LARGE1: variants seen among roughly 807,000 people sequenced by gnomAD.
LARGE1 encodes LARGE xylosyl- and glucuronyltransferase 1, also known as xylosyl- and glucuronyltransferase LARGE1.
A neutral mutation model predicts 87.6 loss-of-function variants in LARGE1; 43 were observed. The observed-to-expected ratio is 0.49, with a 90% CI of 0.38 to 0.63. The LOEUF (loss-of-function observed/expected upper bound fraction) is 0.63, where lower values mean the gene tolerates loss of function less well. Among genes scored for constraint, LARGE1 ranks in the 30% least tolerant of loss-of-function variants. The probability of loss-of-function intolerance (pLI) is 0.00; values close to 1 mark genes in which losing one functional copy is unlikely to be tolerated. For synonymous variants in LARGE1, 434 were observed against 394.6 expected (o/e 1.10, Z -1.18); for missense variants, 802 against 1,000.2 (o/e 0.80, Z 2.67).
chr22:33,085,572 C>G, the LARGE1 span, among the ~76,000 whole-genome samples: 1 of 152,166 alleles, frequency 6.6e-6, no homozygotes. Flanking sequence ...GAAAGCAGCT[C>G]TAAATTTACT....
chr22:33,400,624 C>T lies in LARGE1; in HGVS notation c.893-16320G>A, dbSNP rs540881754. ...AGAAGGGAGAGATGGCGTGGATGGC[C>T]GAGCAGCTCTGACCAGTTGAACATG... On this transcript the variant is annotated intron_variant, in intron 7 of 14. Coordinates refer to ENST00000397394, the MANE Select transcript of LARGE1 (RefSeq NM_133642.5). Among the ~76,000 whole-genome samples, 75 of 152,298 alleles carry T rather than the reference C, an allele frequency of 4.9e-4. 1 individual carries two copies. The highest frequency in any genetic ancestry group is 1.7e-3 in the African/African-American group (71 of 41,568).
At chr22:33,333,636 T>A (rs1174012761) in intron 10 of LARGE1, among the ~76,000 whole-genome samples, 2 of 152,260 alleles carry the variant, frequency 1.3e-5, no homozygotes, top group Non-Finnish European at 2.9e-5. Flanking sequence ...ACTTAGTACA[T>A]TCACTCAATA....
the LARGE1 span, among the ~76,000 whole-genome samples, chr22:33,084,488 G>GTC: frequency 6.7e-6 from 1 of 150,310 alleles, no homozygotes; most frequent in African/African-American, 2.5e-5. Context: ...GTGAGACCTT[G>GTC]TCTCTCGAAA....
rs567568263 is a variant in LARGE1, at chr22:33,272,962, A to C, written c.*1465T>G. On this transcript the variant is annotated 3_prime_UTR_variant, in exon 15 of 15. Coordinates refer to ENST00000397394, the MANE Select transcript of LARGE1 (RefSeq NM_133642.5). ...GAAAAAAAAGGCTAAAGTTCAAATG[A>C]TGAGAAAAATAGAATGGGGGAACAG... 3.5e-4 allele frequency: 55 copies of C among 155,344 alleles called. No individual in the cohort carries two copies. Among genetic ancestry groups the C allele is most frequent in the African/African-American group, 1.2e-3 (50 of 41,700 alleles). 9.6% of individuals were successfully genotyped at this position (155,344 alleles called of 1,614,324 possible).
intron 2 of LARGE1, among the ~76,000 whole-genome samples, chr22:33,738,230 T>C (rs1323927110): frequency 6.6e-6 from 1 of 152,120 alleles, no homozygotes; most frequent in African/African-American, 2.4e-5. Flanking sequence ...AAAATAACCA[T>C]TTCCCCAACC....
chr22:33,495,570 T>G (rs974742437), intron 6 of LARGE1, among the ~76,000 whole-genome samples: 4 of 151,916 alleles, frequency 2.6e-5, no homozygotes, highest in Non-Finnish European at 2.9e-5. Context: ...AATACAAAAA[T>G]TAGCTGGGCG....
chr22:33,217,344 A>G (rs186438029), intron 11 of LARGE1, among the ~76,000 whole-genome samples: 248 of 152,236 alleles, frequency 1.6e-3, no homozygotes, highest in Middle Eastern at 6.8e-3. Context: ...ACGTAGTCCA[A>G]CTGCAGAAAC....
chr22:33,538,490 C>T (rs555474559), intron 6 of LARGE1, among the ~76,000 whole-genome samples: 1 of 152,120 alleles, frequency 6.6e-6, no homozygotes, highest in Non-Finnish European at 1.5e-5. Flanking sequence ...AATAGCATTA[C>T]GAAGGTACAT....
intron 11 of LARGE1, among the ~76,000 whole-genome samples, chr22:33,230,372 T>C (rs1461154646): frequency 2.0e-5 from 3 of 152,110 alleles, no homozygotes; most frequent in Non-Finnish European, 4.4e-5. Context: ...GCCAGCTCTC[T>C]TATATTGAAG....
intron 1 of LARGE1, among the ~76,000 whole-genome samples, chr22:33,831,606 T>C (rs994687838): frequency 3.9e-5 from 6 of 151,970 alleles, no homozygotes; most frequent in Non-Finnish European, 8.8e-5. Context: ...AAACCAGCGA[T>C]TGGATTGGAA....
At chr22:33,469,860 A>T (rs1430903270) in intron 6 of LARGE1, among the ~76,000 whole-genome samples, 1 of 142,044 alleles carries the variant, frequency 7.0e-6, no homozygotes, top group African/African-American at 2.6e-5. Context: ...AAAACAAAAA[A>T]CCATCTATTG....
At chr22:33,312,034 A>G (rs1388104371) in intron 11 of LARGE1, among the ~76,000 whole-genome samples, 1 of 152,156 alleles carries the variant, frequency 6.6e-6, no homozygotes, top group Non-Finnish European at 1.5e-5. Flanking sequence ...GGTCAACAGT[A>G]CTGGTATCAT....
chr22:33,913,770 A>G (rs1311765078), intron 1 of LARGE1, among the ~76,000 whole-genome samples: 4 of 151,820 alleles, frequency 2.6e-5, no homozygotes, highest in African/African-American at 7.2e-5. Flanking sequence ...GGATGGTCTC[A>G]ATCTCTTGAC....
Position 33,519,182 on chromosome 22 carries a change from C to T in LARGE1, c.787+45666G>A, listed in dbSNP as rs567657555. ...GTCAAGACAGAGGAATCCTGACTCACTGCAATGATCTCTGGCAATTCTGCA... is the reference window on the plus strand; with the variant it reads ...GTCAAGACAGAGGAATCCTGACTCATTGCAATGATCTCTGGCAATTCTGCA... On this transcript the variant is annotated intron_variant, in intron 6 of 14. Transcript: ENST00000397394. Among the ~76,000 whole-genome samples, 12 of 152,284 alleles carry T rather than the reference C, an allele frequency of 7.9e-5. No homozygotes were observed. The South Asian group carries it at 2.5e-3, about 32-fold the overall frequency.
At chr22:33,439,451 G>A (rs1202435799) in intron 6 of LARGE1, among the ~76,000 whole-genome samples, 1 of 151,996 alleles carries the variant, frequency 6.6e-6, no homozygotes, top group Non-Finnish European at 1.5e-5. Flanking sequence ...TTTAGCGTCG[G>A]CGACATCTGT....
chr22:33,432,160 C>T lies in LARGE1; in HGVS notation c.892+1G>A. 6.2e-7 allele frequency: 1 copy of T among 1,611,732 alleles called. No homozygotes were observed. The highest frequency in any genetic ancestry group is 8.5e-7 in the Non-Finnish European group (1 of 1,177,820). ...CTTCCCATACCACCCTGAGGATTTA[C>T]CTGTGTTGTAGCCTCTTCCAAGGGC... is the stretch of plus-strand genomic sequence containing the variant. On this transcript the variant is annotated splice_donor_variant, in intron 7 of 14. Transcript: ENST00000397394. LOFTEE classifies it high-confidence loss of function.
At chr22:33,575,171 G>C (rs1156868586) in intron 5 of LARGE1, among the ~76,000 whole-genome samples, 1 of 152,146 alleles carries the variant, frequency 6.6e-6, no homozygotes, top group African/African-American at 2.4e-5. Flanking sequence ...CAAGTTAGGA[G>C]ACAGAAAATG....
intron 5 of LARGE1, among the ~76,000 whole-genome samples, chr22:33,592,901 G>A (rs1333118105): frequency 4.6e-5 from 7 of 152,034 alleles, no homozygotes; most frequent in East Asian, 1.9e-4. Flanking sequence ...GTGCAGTGGC[G>A]TGACCTTGGC....
At chr22:33,551,694 C>T (rs2077525100) in intron 6 of LARGE1, among the ~76,000 whole-genome samples, 1 of 152,178 alleles carries the variant, frequency 6.6e-6, no homozygotes, top group Non-Finnish European at 1.5e-5. Flanking sequence ...AACCTACTCA[C>T]TCACCCTCTT....
Sources: allele counts gnomAD v4.1 joint callset (sites outside exome capture counted in the v4.1 genomes callset), GRCh38; gene constraint gnomAD v4.1.1; transcripts MANE v1.5; gene names NCBI Gene and HGNC (gene_info 2026-07-23, HGNC 2026-07-21).